OLFML2B: variants seen among roughly 807,000 people sequenced by gnomAD.
OLFML2B encodes olfactomedin-like protein 2B.
A neutral mutation model predicts 74.9 loss-of-function variants in OLFML2B; 57 were observed. That is an observed-to-expected ratio of 0.76 (90% CI 0.61 to 0.95). The LOEUF (loss-of-function observed/expected upper bound fraction) is 0.95, where lower values mean the gene tolerates loss of function less well. OLFML2B is among the 40% of genes least tolerant of loss of function. The pLI is 0.00. For synonymous variants in OLFML2B, 388 were observed against 405.8 expected (o/e 0.96, Z 0.53); for missense variants, 986 against 970.6 (o/e 1.02, Z -0.21).
At chr1:162,014,762 C>A (rs1558067358) in intron 3 of OLFML2B, among the ~76,000 whole-genome samples, 1 of 152,232 alleles carries the variant, frequency 6.6e-6, no homozygotes, top group Non-Finnish European at 1.5e-5. Flanking sequence ...TACTGTCACA[C>A]TTCAGCACCC....
At chr1:162,010,051 G>T (rs6674320) in intron 3 of OLFML2B, among the ~76,000 whole-genome samples, 16 of 152,094 alleles carry the variant, frequency 1.1e-4, no homozygotes, top group Non-Finnish European at 1.9e-4. Flanking sequence ...GGTGGGAATC[G>T]TGCCTATCTG....
chr1:162,013,891 A>AACACAC (rs59665350), intron 3 of OLFML2B, among the ~76,000 whole-genome samples: 55 of 143,248 alleles, frequency 3.8e-4, no homozygotes, highest in African/African-American at 1.2e-3. Context: ...AAAAAAGCCC[A>AACACAC]ACACACACAC....
In OLFML2B at chr1:161,987,519, A is replaced by G. The variant is rs145128540; in HGVS notation, c.1475-2539T>C. ...AAGTGATGTGGCCACAAGCCAAAGA[A>G]TGCTGGCAGCCATGAGAAGCTGGAA... On this transcript the variant is annotated intron_variant, in intron 6 of 7. Transcript: ENST00000294794. Among the ~76,000 whole-genome samples the G allele has an allele frequency of 5.3e-5, 8 of 152,332 alleles. No homozygotes were observed. In the East Asian group the frequency reaches 1.4e-3, roughly 26 times the overall value.
chr1:161,998,033 G>C lies in OLFML2B; in HGVS notation c.1266C>G (p.Ala422=). The C allele has an allele frequency of 6.2e-7, 1 of 1,614,082 alleles. No individual in the cohort carries two copies. Among genetic ancestry groups the C allele is most frequent in the Non-Finnish European group, 8.5e-7 (1 of 1,179,994 alleles). ...CTGCTGGTTGCTGGGTGGCTGTGTG[G>C]GCCACAGTGGTGGCTGGTACCTGAG... The part of the protein sequence containing the change: ...PSPQVPATTV[A]HTATQQPAAP... The change falls in exon 6 of 8, where the codon GCC becomes GCG. Residue 422 remains alanine (A), a synonymous_variant. Coordinates refer to ENST00000294794, the MANE Select transcript of OLFML2B (RefSeq NM_015441.3).
At chr1:161,998,790 A>G (rs1690002335) in intron 5 of OLFML2B, among the ~76,000 whole-genome samples, 1 of 152,228 alleles carries the variant, frequency 6.6e-6, no homozygotes, top group African/African-American at 2.4e-5. Flanking sequence ...TGAAGGTGCT[A>G]TGGGGAACAA....
At chr1:162,007,768 C>T (rs1239805939) in intron 3 of OLFML2B, among the ~76,000 whole-genome samples, 1 of 152,184 alleles carries the variant, frequency 6.6e-6, no homozygotes, top group Non-Finnish European at 1.5e-5. Context: ...GCTCCAGAGT[C>T]TCCTACAGGG....
At chr1:161,999,236 G>A (rs768846679) in intron 5 of OLFML2B, among the ~76,000 whole-genome samples, 1 of 152,188 alleles carries the variant, frequency 6.6e-6, no homozygotes, top group Non-Finnish European at 1.5e-5. Context: ...TGGTAAAGTA[G>A]ACTTCATGTG....
At chr1:161,992,427 G>A (rs1325347321) in intron 6 of OLFML2B, among the ~76,000 whole-genome samples, 1 of 152,246 alleles carries the variant, frequency 6.6e-6, no homozygotes, top group African/African-American at 2.4e-5. Context: ...GTTTACTGGA[G>A]TAGCACTTTT....
intron 2 of OLFML2B, 104 bp downstream of exon 2, chr1:162,019,815 T>G (rs1570960161): frequency 7.1e-7 from 1 of 1,417,060 alleles, no homozygotes; most frequent in East Asian, 2.4e-5. Flanking sequence ...GGAACAGGCC[T>G]GACCTTCTTC....
At chr1:161,996,022 C>G (rs1689887983) in intron 6 of OLFML2B, among the ~76,000 whole-genome samples, 1 of 152,172 alleles carries the variant, frequency 6.6e-6, no homozygotes, top group Non-Finnish European at 1.5e-5. Flanking sequence ...AGCAGGACCC[C>G]TGCTTCAGAA....
chr1:162,016,159 G>A (rs1242568656), intron 3 of OLFML2B, among the ~76,000 whole-genome samples: 2 of 152,208 alleles, frequency 1.3e-5, no homozygotes, highest in African/African-American at 4.8e-5. Context: ...AAGTAATGTA[G>A]GAATGTTTGT....
chr1:162,006,030 T>C (rs753138189), intron 4 of OLFML2B, among the ~76,000 whole-genome samples: 2 of 150,730 alleles, frequency 1.3e-5, no homozygotes, highest in Admixed American at 6.6e-5. Flanking sequence ...AGGTGGGATA[T>C]CAGATCTTGA....
chr1:161,993,814 G>A (rs1230276043), intron 6 of OLFML2B, among the ~76,000 whole-genome samples: 2 of 152,168 alleles, frequency 1.3e-5, no homozygotes, highest in Non-Finnish European at 2.9e-5. Flanking sequence ...GAAGTGATAC[G>A]ACGCCCCTGG....
At chr1:162,005,108 A>G (rs768657528) in intron 4 of OLFML2B, among the ~76,000 whole-genome samples, 11 of 152,368 alleles carry the variant, frequency 7.2e-5, no homozygotes, top group Middle Eastern at 3.4e-3. Context: ...TATCTCCCAA[A>G]TTAATGCCTA....
intron 3 of OLFML2B, among the ~76,000 whole-genome samples, chr1:162,011,829 C>G (rs772085193): frequency 6.6e-5 from 10 of 152,158 alleles, no homozygotes; most frequent in Non-Finnish European, 1.0e-4. Flanking sequence ...TAAAATAGAG[C>G]CACTCGAGCC....
Position 162,020,859 on chromosome 1 carries a change from G to C in OLFML2B, c.175-677C>G, listed in dbSNP as rs148792274. Among the ~76,000 whole-genome samples the C allele has an allele frequency of 1.4e-3, 219 of 152,330 alleles. 2 individuals are homozygous for C. The highest frequency in any genetic ancestry group is 0.012 in the South Asian group (59 of 4,828). On this transcript the variant is annotated intron_variant, in intron 1 of 7. Transcript: ENST00000294794. ...AAAAAGGAAAAGAAGAAATTGGAGA[G>C]ATTGAAAAGTTGGTATTCAAGTTTG... is the stretch of plus-strand genomic sequence containing the variant.
intron 6 of OLFML2B, among the ~76,000 whole-genome samples, chr1:161,996,421 T>G (rs1438601016): frequency 6.6e-6 from 1 of 152,218 alleles, no homozygotes; most frequent in Non-Finnish European, 1.5e-5. Context: ...GTCTGACTCC[T>G]GGCAGGTACT....
chr1:162,017,971 G>T (rs1690595137), intron 2 of OLFML2B, among the ~76,000 whole-genome samples: 1 of 152,210 alleles, frequency 6.6e-6, no homozygotes, highest in Admixed American at 6.5e-5. Context: ...ATGAGATCAT[G>T]TCTTTTATGG....
intron 4 of OLFML2B, among the ~76,000 whole-genome samples, chr1:162,006,085 T>C (rs967839630): frequency 6.6e-6 from 1 of 152,152 alleles, no homozygotes; most frequent in Non-Finnish European, 1.5e-5. Context: ...AGTCCTGGCT[T>C]CAACACTCAC....
Sources: allele counts gnomAD v4.1 joint callset (sites outside exome capture counted in the v4.1 genomes callset), GRCh38; gene constraint gnomAD v4.1.1; transcripts MANE v1.5; gene names NCBI Gene and HGNC (gene_info 2026-07-23, HGNC 2026-07-21).